Variants in NKAIN2 observed in about 807,000 individuals in gnomAD.
NKAIN2 encodes sodium/potassium transporting ATPase interacting 2.
In NKAIN2, 14 loss-of-function variants were observed where a neutral mutation model predicts 32.6. The observed-to-expected ratio is 0.43, with a 90% confidence interval of 0.28 to 0.67. The LOEUF (loss-of-function observed/expected upper bound fraction) is 0.67. Ranked by LOEUF, NKAIN2 falls within the 30% of genes least tolerant of loss-of-function variation. NKAIN2 has a pLI of 0.17. For synonymous variants in NKAIN2, 80 were observed against 87.2 expected, an observed-to-expected ratio of 0.92 and a Z score of 0.46; for missense variants, 198 against 258.3, an observed-to-expected ratio of 0.77 and a Z score of 1.60.
chr6:123,916,937 T>G (rs1775530993), intron 1 of NKAIN2, among the ~76,000 whole-genome samples: 1 of 152,158 alleles, frequency 6.6e-6, no homozygotes, highest in Non-Finnish European at 1.5e-5. Flanking sequence ...ATCTCAGGTC[T>G]CTAAAGTTAA....
At chr6:123,930,014 A>G (rs569549275) in intron 1 of NKAIN2, among the ~76,000 whole-genome samples, 2 of 152,140 alleles carry the variant, frequency 1.3e-5, no homozygotes, top group African/African-American at 2.4e-5. Flanking sequence ...ATTTCAGTCC[A>G]TGAAACATTT....
intron 4 of NKAIN2, among the ~76,000 whole-genome samples, chr6:124,702,032 T>G (rs114871950): frequency 6.6e-6 from 1 of 152,080 alleles, no homozygotes; most frequent in East Asian, 1.9e-4. Flanking sequence ...GTTTGAACTA[T>G]TGGTATGTTC....
At chr6:124,554,780 T>C (rs935534827) in intron 3 of NKAIN2, among the ~76,000 whole-genome samples, 2 of 152,188 alleles carry the variant, frequency 1.3e-5, no homozygotes, top group Non-Finnish European at 2.9e-5. Flanking sequence ...TGTTCTTTCT[T>C]CTTCCGAGAT....
intron 4 of NKAIN2, among the ~76,000 whole-genome samples, chr6:124,683,668 TC>T (rs527524599): frequency 6.6e-6 from 1 of 151,788 alleles, no homozygotes; most frequent in South Asian, 2.1e-4. Flanking sequence ...CCTTGTTTGA[TC>T]CCCCCCACCC....
At chr6:124,124,538 T>C (rs941841149) in intron 1 of NKAIN2, among the ~76,000 whole-genome samples, 1 of 152,168 alleles carries the variant, frequency 6.6e-6, no homozygotes, top group Non-Finnish European at 1.5e-5. Context: ...CTTTGCACAA[T>C]AGAAGAGGAG....
At chr6:124,708,912 G>A (rs1206618433) in intron 4 of NKAIN2, among the ~76,000 whole-genome samples, 2 of 147,080 alleles carry the variant, frequency 1.4e-5, no homozygotes, top group Non-Finnish European at 3.0e-5. Context: ...TCCCTGTCTT[G>A]TGCCAGTTTT....
chr6:124,548,055 G>T (rs1011154869), intron 3 of NKAIN2, among the ~76,000 whole-genome samples: 2 of 152,100 alleles, frequency 1.3e-5, no homozygotes, highest in East Asian at 1.9e-4. Context: ...GAACCTCCTT[G>T]CCTGGGATAT....
chr6:124,013,056 T>TTTAA (rs1226857924), intron 1 of NKAIN2, among the ~76,000 whole-genome samples: 2 of 152,212 alleles, frequency 1.3e-5, no homozygotes, highest in African/African-American at 4.8e-5. Context: ...CTTATTGTAG[T>TTTAA]TTAATTTCCA....
intron 5 of NKAIN2, among the ~76,000 whole-genome samples, chr6:124,817,920 G>A (rs1039650447): frequency 2.0e-5 from 3 of 152,074 alleles, no homozygotes; most frequent in Admixed American, 6.5e-5. Flanking sequence ...AGTACCTTGC[G>A]CTTGGTAACC....
chr6:123,821,893 A>G (rs953686845), intron 1 of NKAIN2, among the ~76,000 whole-genome samples: 18 of 152,238 alleles, frequency 1.2e-4, no homozygotes, highest in African/African-American at 4.3e-4. Context: ...TGAAAATCAG[A>G]AAAATCAGAA....
intron 1 of NKAIN2, among the ~76,000 whole-genome samples, chr6:124,001,261 T>A (rs1459327419): frequency 3.9e-5 from 6 of 151,996 alleles, no homozygotes; most frequent in African/African-American, 1.4e-4. Context: ...TCAGACTATG[T>A]ACAGAGCTAT....
At chr6:124,274,064 G>T (rs1794919851) in intron 1 of NKAIN2, among the ~76,000 whole-genome samples, 1 of 152,102 alleles carries the variant, frequency 6.6e-6, no homozygotes, top group South Asian at 2.1e-4. Flanking sequence ...TGAGTATAGG[G>T]AGACTTTAAA....
intron 3 of NKAIN2, among the ~76,000 whole-genome samples, chr6:124,452,572 C>T (rs1295764645): frequency 2.6e-5 from 4 of 151,952 alleles, no homozygotes; most frequent in Non-Finnish European, 5.9e-5. Flanking sequence ...TAAAAATAAA[C>T]ATTTGGGGAC....
intron 3 of NKAIN2, among the ~76,000 whole-genome samples, chr6:124,549,826 C>T (rs910649461): frequency 6.6e-5 from 10 of 152,152 alleles, no homozygotes; most frequent in South Asian, 2.1e-4. Context: ...TGTACCCTAC[C>T]TCAGTGCTTC....
At chr6:124,568,550 A>T (rs1214772640) in intron 3 of NKAIN2, among the ~76,000 whole-genome samples, 1 of 151,980 alleles carries the variant, frequency 6.6e-6, no homozygotes, top group African/African-American at 2.4e-5. Context: ...ATTAAGTTAG[A>T]CCTCTTTCTT....
At chr6:124,717,753 TA>T (rs1227736745) in intron 4 of NKAIN2, among the ~76,000 whole-genome samples, 1 of 152,116 alleles carries the variant, frequency 6.6e-6, no homozygotes, top group Non-Finnish European at 1.5e-5. Flanking sequence ...ATTCCACCAT[TA>T]AAGGCCTACT....
chr6:124,082,981 C>A (rs1046852151), intron 1 of NKAIN2, among the ~76,000 whole-genome samples: 1 of 151,884 alleles, frequency 6.6e-6, no homozygotes, highest in Admixed American at 6.6e-5. Flanking sequence ...TACGTAACAA[C>A]TATTATATCT....
chr6:124,384,122 A>T (rs1227836759), intron 3 of NKAIN2, among the ~76,000 whole-genome samples: 1 of 152,134 alleles, frequency 6.6e-6, no homozygotes. Flanking sequence ...TCTTCGTTGT[A>T]CTTATCACTC....
At chr6:124,261,938 G>A (rs1794272977) in intron 1 of NKAIN2, among the ~76,000 whole-genome samples, 1 of 151,870 alleles carries the variant, frequency 6.6e-6, no homozygotes, top group Admixed American at 6.6e-5. Context: ...CTTCAGGCTG[G>A]GTTGAGGGTC....
Sources: allele counts gnomAD v4.1 joint callset (sites outside exome capture counted in the v4.1 genomes callset), GRCh38; gene constraint gnomAD v4.1.1; transcripts MANE v1.5; gene names NCBI Gene and HGNC (gene_info 2026-07-23, HGNC 2026-07-21).